The following CMIP variants were observed in gnomAD, a reference collection of about 807,000 sequenced individuals.
The protein encoded by CMIP is c-Maf inducing protein.
Under a neutral mutation model 97.3 loss-of-function variants are expected in CMIP, and 13 were observed. The observed-to-expected ratio is 0.13, with a 90% CI of 0.09 to 0.21. The LOEUF (loss-of-function observed/expected upper bound fraction) is 0.21. Among genes scored for constraint, CMIP ranks in the 10% least tolerant of loss-of-function variants. The probability of loss-of-function intolerance (pLI) is 1.00; values close to 1 mark genes in which losing one functional copy is unlikely to be tolerated. For missense variants in CMIP, 847 were observed against 1,024.9 expected (o/e 0.83, Z 2.37); for synonymous variants, 538 against 436.3 (o/e 1.23, Z -2.91).
At chr16:81,483,914 TTA>T (rs1431469310) in intron 1 of CMIP, among the ~76,000 whole-genome samples, 1 of 152,214 alleles carries the variant, frequency 6.6e-6, no homozygotes, top group African/African-American at 2.4e-5. Context: ...TGTCTGCATT[TTA>T]TGTTTTCCAC....
At chr16:81,648,156 T>A (rs1408209833) in intron 3 of CMIP, among the ~76,000 whole-genome samples, 1 of 142,814 alleles carries the variant, frequency 7.0e-6, no homozygotes, top group African/African-American at 2.5e-5. Flanking sequence ...TTCTTCAGGA[T>A]CTCTTGGCAA....
intron 1 of CMIP, chr16:81,495,425 G>C (rs1000417204): frequency 1.2e-6 from 2 of 1,603,918 alleles, no homozygotes; most frequent in African/African-American, 1.3e-5. Context: ...CTGCCGCTCT[G>C]TTTCCTGCGA....
At chr16:81,498,386 CG>C (rs998897113) in intron 1 of CMIP, among the ~76,000 whole-genome samples, 1 of 152,218 alleles carries the variant, frequency 6.6e-6, no homozygotes, top group African/African-American at 2.4e-5. Flanking sequence ...GAGTGAGATG[CG>C]GCCCTTGTCC....
intron 1 of CMIP, among the ~76,000 whole-genome samples, chr16:81,583,581 G>A (rs2091332542): frequency 6.6e-6 from 1 of 152,224 alleles, no homozygotes; most frequent in Non-Finnish European, 1.5e-5. Context: ...CGTGGAGGGA[G>A]TGACTGAGTC....
At chr16:81,502,219 C>A (rs747050640) in intron 1 of CMIP, among the ~76,000 whole-genome samples, 10 of 152,194 alleles carry the variant, frequency 6.6e-5, no homozygotes, top group Non-Finnish European at 1.3e-4. Context: ...CTGACAGTTG[C>A]AGCATAACAA....
chr16:81,467,883 C>CT (rs754844403), intron 1 of CMIP, among the ~76,000 whole-genome samples: 2,884 of 113,446 alleles, frequency 0.025, 68 homozygotes, highest in East Asian at 0.073. Flanking sequence ...GCCTGGCCTT[C>CT]TTTTTTTTTT....
At chr16:81,697,923 T>G (rs1171570292) in intron 14 of CMIP, 1 of 152,414 alleles carries the variant, frequency 6.6e-6, no homozygotes, top group Non-Finnish European at 1.5e-5. Context: ...ACCACCTCTC[T>G]CGCGCTCTCG....
intron 3 of CMIP, among the ~76,000 whole-genome samples, chr16:81,650,003 A>T (rs755113905): frequency 5.3e-5 from 8 of 152,220 alleles, no homozygotes; most frequent in South Asian, 2.1e-4. Context: ...GCACTAGGAC[A>T]GGGCGGCTTT....
At chr16:81,565,059 C>T (rs150300214) in intron 1 of CMIP, among the ~76,000 whole-genome samples, 234 of 152,032 alleles carry the variant, frequency 1.5e-3, no homozygotes, top group African/African-American at 5.3e-3. Context: ...AGGGCTAAGA[C>T]CCTTCAAGCG....
At chr16:81,467,742 G>A (rs12599606) in intron 1 of CMIP, among the ~76,000 whole-genome samples, 4,485 of 151,586 alleles carry the variant, frequency 0.03, 232 homozygotes, top group East Asian at 0.28. Context: ...CACCATGCCT[G>A]GCTACTTTTT....
chr16:81,563,780 T>C (rs1420722310), intron 1 of CMIP, among the ~76,000 whole-genome samples: 2 of 152,196 alleles, frequency 1.3e-5, no homozygotes, highest in Admixed American at 6.5e-5. Flanking sequence ...GGGAGACAGA[T>C]CAATGTCTAG....
Position 81,627,619 on chromosome 16 carries a change from G to C in CMIP, c.477+6693G>C, listed in dbSNP as rs11646313. Reference sequence around the variant, plus strand: ...CGGCTCTGGCCACGGAGTGTCCCCTGTGTCCAGCACTATGTGCCCCTGTGC... The same window carrying C: ...CGGCTCTGGCCACGGAGTGTCCCCTCTGTCCAGCACTATGTGCCCCTGTGC... On this transcript the variant is annotated intron_variant, in intron 3 of 20. Transcript: ENST00000537098. This position sits in a 1 kb window ranked among gnomAD's most constrained non-coding sequence, Gnocchi z 4.6. Among the ~76,000 whole-genome samples, 1 of 143,560 alleles carries C rather than the reference G, an allele frequency of 7.0e-6. No individual in the cohort carries two copies. Among genetic ancestry groups the C allele is most frequent in the African/African-American group, 2.5e-5 (1 of 40,162 alleles). The allele number at this position is 143,560 out of a possible 152,430, so 94.2% of individuals were successfully genotyped here.
At chr16:81,704,136 T>G in intron 18 of CMIP, 51 bp downstream of exon 18, 1 of 1,512,320 alleles carries the variant, frequency 6.6e-7, no homozygotes. Flanking sequence ...CCTTCACCTC[T>G]GCACTCTCCT....
chr16:81,604,338 G>A (rs1470740061), intron 1 of CMIP, among the ~76,000 whole-genome samples: 1 of 149,394 alleles, frequency 6.7e-6, no homozygotes, highest in Non-Finnish European at 1.5e-5. Flanking sequence ...GGAAGTTGCA[G>A]TGAGCTGAGA....
intron 1 of CMIP, among the ~76,000 whole-genome samples, chr16:81,525,685 T>C (rs2150814276): frequency 1.3e-5 from 2 of 152,298 alleles, no homozygotes; most frequent in South Asian, 4.1e-4. Flanking sequence ...ATTCATATTG[T>C]CATGCGACCA....
chr16:81,708,389 G>A (rs947983395), intron 20 of CMIP, among the ~76,000 whole-genome samples: 1 of 152,260 alleles, frequency 6.6e-6, no homozygotes, highest in Non-Finnish European at 1.5e-5. Context: ...TCGTGTTTGA[G>A]AAATGCTGCC....
intron 3 of CMIP, among the ~76,000 whole-genome samples, chr16:81,625,265 C>T (rs1268055301): frequency 6.6e-6 from 1 of 152,276 alleles, no homozygotes; most frequent in Non-Finnish European, 1.5e-5. Context: ...TCCCAGCATT[C>T]GCTAGAGCAG....
At chr16:81,668,690 C>A (rs560360485) in intron 7 of CMIP, among the ~76,000 whole-genome samples, 8 of 152,060 alleles carry the variant, frequency 5.3e-5, no homozygotes, top group African/African-American at 1.9e-4. Context: ...GTGTCCCTGT[C>A]CCCTCATCAT....
rs1412947856 is a variant in CMIP, at chr16:81,626,537, CTATG to C, written c.477+5612_477+5615del. ...TGTGTGTGTGTGGTGTGTGGGGTGA[CTATG>C]GGTGTGCATGTGTGTGTGGTGTGTG... On this transcript the variant is annotated intron_variant, in intron 3 of 20. Transcript: ENST00000537098. Among the ~76,000 whole-genome samples, 24 of 127,130 alleles carry C rather than the reference CTATG, an allele frequency of 1.9e-4. No homozygotes were observed. The Admixed American group carries it at 1.9e-3, about 10-fold the overall frequency. The allele number at this position is 127,130 out of a possible 152,430, so 83.4% of individuals were successfully genotyped here. A position where few individuals can be genotyped will look rare whatever the true frequency, so the allele number is the denominator to read the frequency against.
Sources: gnomAD v4.1 joint callset for allele counts (sites outside exome capture counted in the v4.1 genomes callset) on GRCh38, gnomAD v4.1.1 for gene constraint, Gnocchi (gnomAD v3.1) non-coding constraint, MANE v1.5 for transcripts, NCBI Gene and HGNC (gene_info 2026-07-23, HGNC 2026-07-21) for gene names.